The following KLHL32 variants were observed in gnomAD, a reference collection of about 807,000 sequenced individuals.
KLHL32 encodes kelch-like protein 32.
Under a neutral mutation model 64.8 loss-of-function variants are expected in KLHL32, and 35 were observed. That is an observed-to-expected ratio of 0.54 (90% CI 0.41 to 0.72). The LOEUF is 0.72. Ranked by LOEUF, KLHL32 falls within the 30% of genes least tolerant of loss-of-function variation. The pLI is 0.00. For missense variants in KLHL32, 589 were observed against 768.5 expected (o/e 0.77, Z 2.76); for synonymous variants, 259 against 281.0 (o/e 0.92, Z 0.78).
chr6:97,045,532 A>G (rs975343047), intron 4 of KLHL32, among the ~76,000 whole-genome samples: 1 of 152,176 alleles, frequency 6.6e-6, no homozygotes, highest in Non-Finnish European at 1.5e-5. Flanking sequence ...ACTCAGCTGC[A>G]TTAGCAACTA....
At chr6:97,001,176 G>T (rs1778981672) in intron 3 of KLHL32, among the ~76,000 whole-genome samples, 1 of 152,098 alleles carries the variant, frequency 6.6e-6, no homozygotes, top group African/African-American at 2.4e-5. Flanking sequence ...GTAAACTTTG[G>T]ATTTGGTGAA....
the KLHL32 span, among the ~76,000 whole-genome samples, chr6:96,909,914 A>C: frequency 1.3e-5 from 2 of 152,218 alleles, no homozygotes; most frequent in Non-Finnish European, 2.9e-5. Context: ...GTTTTGAAAT[A>C]GAAGATTTAA....
chr6:96,999,960 G>A (rs974935308), intron 3 of KLHL32, among the ~76,000 whole-genome samples: 2 of 152,208 alleles, frequency 1.3e-5, no homozygotes, highest in Admixed American at 1.3e-4. Flanking sequence ...TTCAGGAATA[G>A]AGACTACATG....
intron 5 of KLHL32, among the ~76,000 whole-genome samples, chr6:97,084,439 T>A (rs1793078443): frequency 6.6e-6 from 1 of 152,168 alleles, no homozygotes. Context: ...TTGAAGCATT[T>A]CTGCAGAAAC....
intron 3 of KLHL32, among the ~76,000 whole-genome samples, chr6:96,986,258 C>T (rs576360093): frequency 2.0e-5 from 3 of 152,174 alleles, no homozygotes; most frequent in East Asian, 1.9e-4. Context: ...AGTATCCGGC[C>T]GTGTGAGGTG....
intron 6 of KLHL32, among the ~76,000 whole-genome samples, chr6:97,112,296 C>T (rs1310858623): frequency 6.6e-6 from 1 of 152,136 alleles, no homozygotes; most frequent in East Asian, 1.9e-4. Context: ...GTAAGTGCTG[C>T]TAAGAATAAT....
intron 3 of KLHL32, among the ~76,000 whole-genome samples, chr6:97,031,456 G>T (rs1001859308): frequency 5.3e-5 from 8 of 151,664 alleles, no homozygotes; most frequent in African/African-American, 1.9e-4. Flanking sequence ...CTGCCTCACC[G>T]TCTTGAGTAG....
the KLHL32 span, among the ~76,000 whole-genome samples, chr6:96,908,302 C>T: frequency 1.3e-5 from 2 of 152,172 alleles, no homozygotes; most frequent in African/African-American, 2.4e-5. Context: ...AAGAAATACT[C>T]CTAGAAAAGA....
chr6:97,118,606 C>T (rs530792854), intron 7 of KLHL32, among the ~76,000 whole-genome samples: 40 of 105,252 alleles, frequency 3.8e-4, no homozygotes, highest in South Asian at 2.2e-3. Flanking sequence ...GCAAGAAAAG[C>T]GAAACTGCAT....
chr6:96,980,275 T>A lies in KLHL32; in HGVS notation c.204+4098T>A, dbSNP rs116597165. Among the ~76,000 whole-genome samples the A allele has an allele frequency of 2.2e-3, 332 of 152,306 alleles. 2 individuals are homozygous for A. Among genetic ancestry groups the A allele is most frequent in the African/African-American group, 7.5e-3 (312 of 41,574 alleles). The stretch of plus-strand genomic sequence containing the variant: ...AGGGAATGCTCCAGCTTTTACCTAT[T>A]CAGTATGATGTTGGTGTGGGTTTGT... On this transcript the variant is annotated intron_variant, in intron 3 of 10. Coordinates refer to ENST00000369261, the MANE Select transcript of KLHL32 (RefSeq NM_052904.4).
At chr6:96,959,329 G>A (rs1159046974) in intron 1 of KLHL32, among the ~76,000 whole-genome samples, 1 of 152,162 alleles carries the variant, frequency 6.6e-6, no homozygotes, top group East Asian at 1.9e-4. Flanking sequence ...GAAGAGACTG[G>A]CAAAGGGCTG....
chr6:97,070,188 T>C (rs1259980291), intron 5 of KLHL32, among the ~76,000 whole-genome samples: 1 of 152,136 alleles, frequency 6.6e-6, no homozygotes, highest in Non-Finnish European at 1.5e-5. Context: ...GGCTTTTGTG[T>C]TTGGAGAAAG....
intron 2 of KLHL32, among the ~76,000 whole-genome samples, chr6:96,968,210 G>A (rs1037796551): frequency 5.9e-4 from 90 of 152,056 alleles, no homozygotes; most frequent in African/African-American, 2.1e-3. Context: ...GATTCTCAAT[G>A]GTGGATGGTT....
intron 3 of KLHL32, among the ~76,000 whole-genome samples, chr6:96,983,334 A>T (rs1466495999): frequency 2.0e-5 from 3 of 151,942 alleles, no homozygotes; most frequent in Non-Finnish European, 4.4e-5. Flanking sequence ...TATTGGTCTA[A>T]AATTCTCTTT....
At chr6:97,123,358 C>T (rs957394386) in intron 7 of KLHL32, among the ~76,000 whole-genome samples, 6 of 152,068 alleles carry the variant, frequency 3.9e-5, no homozygotes, top group African/African-American at 9.7e-5. Flanking sequence ...CATTTTGTGG[C>T]GAGTTGTACA....
At chr6:97,017,419 A>G (rs1781367679) in intron 3 of KLHL32, among the ~76,000 whole-genome samples, 1 of 152,178 alleles carries the variant, frequency 6.6e-6, no homozygotes, top group Admixed American at 6.5e-5. Flanking sequence ...TTCTCTAACT[A>G]TAGTTTGAGG....
intron 2 of KLHL32, 93 bp downstream of exon 2, chr6:96,967,176 A>C: frequency 9.0e-7 from 1 of 1,108,468 alleles, no homozygotes. Context: ...CAGGGGCTTA[A>C]TGCATATTTG....
At chr6:96,903,825 G>A in the KLHL32 span, among the ~76,000 whole-genome samples, 1 of 152,092 alleles carries the variant, frequency 6.6e-6, no homozygotes, top group Non-Finnish European at 1.5e-5. Context: ...ACTTTATAAA[G>A]GGTACAATTC....
chr6:97,126,077 C>T (rs1206169), intron 7 of KLHL32, among the ~76,000 whole-genome samples: 81,541 of 151,974 alleles, frequency 0.54, 22,588 homozygotes, highest in African/African-American at 0.67. Flanking sequence ...TCTTGGTCAG[C>T]ATTTTAACAG....
Sources: allele counts gnomAD v4.1 joint callset (sites outside exome capture counted in the v4.1 genomes callset), GRCh38; gene constraint gnomAD v4.1.1; transcripts MANE v1.5; gene names NCBI Gene and HGNC (gene_info 2026-07-23, HGNC 2026-07-21).